Variants in UVSSA observed in about 807,000 individuals in gnomAD.
UVSSA encodes the protein UV-stimulated scaffold protein A.
Under a neutral mutation model 73.9 loss-of-function variants are expected in UVSSA, and 72 were observed. That is an observed-to-expected ratio of 0.97 (90% CI 0.81 to 1.19). The LOEUF (loss-of-function observed/expected upper bound fraction) is 1.19. UVSSA is among the 50% of genes most tolerant of loss of function. UVSSA has a pLI of 0.00. For missense variants in UVSSA, 1,150 were observed against 965.0 expected (o/e 1.19, Z -2.54); for synonymous variants, 454 against 391.3 (o/e 1.16, Z -1.89).
intron 3 of UVSSA, 28 bp from the exon 4 acceptor site, chr4:1,351,686 TC>T (rs1217420984): frequency 1.1e-5 from 17 of 1,609,628 alleles, no homozygotes; most frequent in Non-Finnish European, 1.4e-5. Context: ...ACCGCGCCTG[TC>T]CCCTAGTCTT....
upstream of UVSSA, among the ~76,000 whole-genome samples, chr4:1,345,598 T>A (rs1424865856): frequency 2.3e-5 from 3 of 132,390 alleles, no homozygotes; most frequent in Non-Finnish European, 3.0e-5. Flanking sequence ...TGAACCGCGA[T>A]CGTGCCACTG....
intron 7 of UVSSA, among the ~76,000 whole-genome samples, chr4:1,362,076 C>G (rs1229517595): frequency 2.0e-5 from 3 of 152,184 alleles, no homozygotes; most frequent in Non-Finnish European, 4.4e-5. Flanking sequence ...AGTAACCTCG[C>G]CACCCTACTT....
In UVSSA at chr4:1,364,272, C is replaced by T. The variant is rs187084411; in HGVS notation, c.1177-2048C>T. Among the ~76,000 whole-genome samples, 99 of 121,022 alleles carry T rather than the reference C, an allele frequency of 8.2e-4. 7 individuals are homozygous for T. The East Asian group carries it at 0.022, about 27-fold the overall frequency. The allele number at this position is 121,022 out of a possible 152,430, so 79.4% of individuals were successfully genotyped here. On this transcript the variant is annotated intron_variant, in intron 7 of 13. Coordinates refer to ENST00000389851, the MANE Select transcript of UVSSA (RefSeq NM_020894.4). ...GCCTGGCTCTGTGGGGGCCACCTCCCGGCAGGGTGCTGGTGCCCGGGCCCC... is the reference window on the plus strand; with the variant it reads ...GCCTGGCTCTGTGGGGGCCACCTCCTGGCAGGGTGCTGGTGCCCGGGCCCC...
At chr4:1,375,931 C>G in intron 9 of UVSSA, 103 bp from the exon 10 acceptor site, 1 of 1,506,982 alleles carries the variant, frequency 6.6e-7, no homozygotes, top group Non-Finnish European at 8.9e-7. Flanking sequence ...CTCACCTGAT[C>G]CGACCCGAGG....
At chr4:1,384,452 G>GC (rs1719872721) in intron 13 of UVSSA, 1 of 159,190 alleles carries the variant, frequency 6.3e-6, no homozygotes, top group Non-Finnish European at 1.4e-5. Context: ...CTGCAGCCCA[G>GC]CATGGGCCTG....
At chr4:1,372,195 G>A (rs774590212) in intron 8 of UVSSA, among the ~76,000 whole-genome samples, 4 of 151,988 alleles carry the variant, frequency 2.6e-5, no homozygotes, top group Non-Finnish European at 5.9e-5. Flanking sequence ...TTCACTAACC[G>A]TTGTATCAAG....
Position 1,371,198 on chromosome 4 carries a change from A to C in UVSSA, c.1289-4166A>C, listed in dbSNP as rs573555938. ...TGTACTCAGTAAGCCTGCACAAAAG[A>C]AGGCCTGCACGCTCTGCAGCTCACC... On this transcript the variant is annotated intron_variant, in intron 8 of 13. Transcript: ENST00000389851. Among the ~76,000 whole-genome samples, 34 of 152,138 alleles carry C rather than the reference A, an allele frequency of 2.2e-4. 1 individual carries two copies. Among genetic ancestry groups the C allele is most frequent in the African/African-American group, 8.0e-4 (33 of 41,490 alleles).
chr4:1,345,689 C>T (rs987330563), upstream of UVSSA, among the ~76,000 whole-genome samples: 3 of 144,112 alleles, frequency 2.1e-5, no homozygotes, highest in Non-Finnish European at 4.5e-5. Flanking sequence ...GCAGGGCCAT[C>T]AGCGGATACA....
chr4:1,383,604 C>T (rs536977513), intron 12 of UVSSA, among the ~76,000 whole-genome samples, 162 bp from the exon 13 acceptor site: 33 of 152,346 alleles, frequency 2.2e-4, no homozygotes, highest in African/African-American at 6.3e-4. Flanking sequence ...GAACCCTAAC[C>T]GCTGAGCATC....
chr4:1,361,178 G>C (rs1317425701), intron 7 of UVSSA, among the ~76,000 whole-genome samples: 2 of 152,328 alleles, frequency 1.3e-5, no homozygotes, highest in Non-Finnish European at 2.9e-5. Flanking sequence ...TGAACCTGAG[G>C]CCTCCTCCTC....
upstream of UVSSA, among the ~76,000 whole-genome samples, chr4:1,346,292 C>G (rs1000942815): frequency 3.9e-5 from 6 of 152,240 alleles, no homozygotes; most frequent in Non-Finnish European, 5.9e-5. Context: ...CGGCCCGCCG[C>G]CGGCGGCCCC....
intron 8 of UVSSA, among the ~76,000 whole-genome samples, chr4:1,366,756 ACAGGGG>A (rs938680161): frequency 6.6e-6 from 1 of 151,928 alleles, no homozygotes; most frequent in Non-Finnish European, 1.5e-5. Context: ...CGGGTCTGGG[ACAGGGG>A]CCACCATCCT....
At chr4:1,345,337 G>A (rs1170269812), upstream of UVSSA, among the ~76,000 whole-genome samples, 1 of 152,112 alleles carries the variant, frequency 6.6e-6, no homozygotes, top group African/African-American at 2.4e-5. Context: ...CGAACAGAAG[G>A]ATGCAGGGCA....
Position 1,348,118 on chromosome 4 carries a change from A to G in UVSSA, c.27A>G (p.Val9=), listed in dbSNP as rs772694945. The change falls in exon 2 of 14, where the codon GTA becomes GTG. Residue 9 remains valine, a synonymous_variant. Coordinates refer to ENST00000389851, the MANE Select transcript of UVSSA (RefSeq NM_020894.4). The part of the protein sequence containing the change: MDQKLSKL[V]EELTTSGEPR... The stretch of plus-strand genomic sequence containing the variant: ...TGGATCAGAAACTTTCGAAGTTGGT[A>G]GAAGAGCTCACAACTTCAGGAGAAC... 5.0e-6 allele frequency: 8 copies of G among 1,613,968 alleles called. No individual in the cohort carries two copies. Among genetic ancestry groups the G allele is most frequent in the Middle Eastern group, 1.6e-4 (1 of 6,062 alleles).
At chr4:1,374,947 G>A (rs550078892) in intron 8 of UVSSA, 225 of 193,426 alleles carry the variant, frequency 1.2e-3, no homozygotes, top group Middle Eastern at 2.1e-3. Flanking sequence ...CTTGGGTGCT[G>A]GGGAGGGCTC....
rs535069303 is a variant in UVSSA at position 1,353,093 on chromosome 4, C to G, written c.614C>G (p.Pro205Arg). The G allele has an allele frequency of 8.7e-6, 14 of 1,613,070 alleles. No individual in the cohort carries two copies. In the East Asian group the frequency reaches 2.9e-4, roughly 33 times the overall value. ...GAGAGCTGCTTTAGGCTGCTGGTGCCTTTTGACTTTGACCCGAACCCGGAG... is the reference window on the plus strand; with the variant it reads ...GAGAGCTGCTTTAGGCTGCTGGTGCGTTTTGACTTTGACCCGAACCCGGAG... ...EVESCFRLLV[P>R]FDFDPNPETE... Residue 205 changes from proline to arginine, a missense_variant, in exon 5 of 14, where the codon CCT (proline) becomes CGT (arginine). Transcript: ENST00000389851.
intron 7 of UVSSA, 42 bp downstream of exon 7, chr4:1,355,287 T>A: frequency 2.4e-6 from 3 of 1,266,942 alleles, no homozygotes; most frequent in Non-Finnish European, 3.3e-6. Flanking sequence ...CCCAGAGGCC[T>A]CAGTGGGGGA....
Position 1,354,861 on chromosome 4 carries a change from C to A in UVSSA, c.1047+14C>A, listed in dbSNP as rs114396993. The A allele has an allele frequency of 2.8e-3, 4,399 of 1,595,192 alleles. 116 individuals are homozygous for A. The African/African-American group carries it at 0.053, about 19-fold the overall frequency. On this transcript the variant is annotated intron_variant, in intron 6 of 13. Coordinates refer to ENST00000389851, the MANE Select transcript of UVSSA (RefSeq NM_020894.4). ...TCGTGGATCCAGGTGAGCCTCGAAC[C>A]TGGGACCTGTGGGTGGAGGGACGTG...
chr4:1,355,515 C>G (rs1215274616), intron 7 of UVSSA, among the ~76,000 whole-genome samples: 2 of 152,214 alleles, frequency 1.3e-5, no homozygotes, highest in African/African-American at 4.8e-5. Flanking sequence ...GTGCGCGCCT[C>G]CAGGAAGCCA....
Sources: gnomAD v4.1 joint callset for allele counts (sites outside exome capture counted in the v4.1 genomes callset) on GRCh38, gnomAD v4.1.1 for gene constraint, MANE v1.5 for transcripts, NCBI Gene and HGNC (gene_info 2026-07-23, HGNC 2026-07-21) for gene names.